Variants in RNF13 observed in about 807,000 individuals in gnomAD.
RNF13 encodes the protein ring finger protein 13.
RNF13 carries 19 observed loss-of-function variants against 37.7 expected under a neutral mutation model. The ratio of observed to expected loss-of-function variants is 0.50; its 90% CI spans 0.35 to 0.74. RNF13 has a LOEUF of 0.74. Among genes scored for constraint, RNF13 ranks in the 30% least tolerant of loss-of-function variants. The probability of loss-of-function intolerance (pLI) is 0.01; values close to 1 mark genes in which losing one functional copy is unlikely to be tolerated. For missense variants in RNF13, 375 were observed against 453.0 expected, an observed-to-expected ratio of 0.83 and a Z score of 1.56; for synonymous variants, 144 against 157.8, an observed-to-expected ratio of 0.91 and a Z score of 0.65.
At chr3:149,907,927 T>G (rs746566528) in intron 6 of RNF13, among the ~76,000 whole-genome samples, 10 of 152,244 alleles carry the variant, frequency 6.6e-5, no homozygotes, top group Non-Finnish European at 1.2e-4. Flanking sequence ...CAGTAAACAA[T>G]TGTCATATTG....
intron 4 of RNF13, among the ~76,000 whole-genome samples, chr3:149,887,586 C>T (rs1480346558): frequency 6.6e-6 from 1 of 152,180 alleles, no homozygotes; most frequent in Non-Finnish European, 1.5e-5. Flanking sequence ...AGGCATGAGC[C>T]ACCATGCCCT....
intron 5 of RNF13, among the ~76,000 whole-genome samples, chr3:149,898,386 T>C (rs1715486649): frequency 6.6e-6 from 1 of 152,184 alleles, no homozygotes; most frequent in African/African-American, 2.4e-5. Flanking sequence ...ACTGTGACTA[T>C]AGGAAGTAAT....
At chr3:149,893,208 G>T (rs1181806586) in intron 4 of RNF13, among the ~76,000 whole-genome samples, 8 of 152,026 alleles carry the variant, frequency 5.3e-5, no homozygotes, top group Non-Finnish European at 1.0e-4. Flanking sequence ...GTTTTTACTC[G>T]TTGTGCTTTC....
At position 149,823,216 on chromosome 3, in the gene RNF13, T is replaced by C. The variant is rs1025934246; in HGVS notation, c.-17+9863T>C. On this transcript the variant is annotated intron_variant, in intron 1 of 9. Coordinates refer to ENST00000392894, the MANE Select transcript of RNF13 (RefSeq NM_183381.3). ...GTTAGGCACTGTTTTAAGCACTTTATGCTGTTGATCTAAGTTTTTATTCCT... is the reference window on the plus strand; with the variant it reads ...GTTAGGCACTGTTTTAAGCACTTTACGCTGTTGATCTAAGTTTTTATTCCT... 3.3e-5 allele frequency among the ~76,000 whole-genome samples: 5 copies of C among 152,172 alleles called. No homozygotes were observed. The East Asian group carries it at 7.7e-4, about 23-fold the overall frequency.
Position 149,921,272 on chromosome 3 carries a change from C to T in RNF13, c.700+45C>T, listed in dbSNP as rs199873779. ...ATAATTATCCTTAGTTTATTTAAGA[C>T]TGCAGGGTGACTATACTCTTTAAAA... On this transcript the variant is annotated intron_variant, in intron 8 of 9. Transcript: ENST00000392894. 1,495 of 879,886 alleles carry T rather than the reference C, an allele frequency of 1.7e-3. 2 individuals are homozygous for T. Among genetic ancestry groups the T allele is most frequent in the Middle Eastern group, 6.2e-3 (23 of 3,698 alleles). 54.5% of individuals were successfully genotyped at this position (879,886 alleles called of 1,614,324 possible).
intron 6 of RNF13, among the ~76,000 whole-genome samples, chr3:149,908,832 G>C (rs1716690962): frequency 6.6e-6 from 1 of 152,164 alleles, no homozygotes; most frequent in African/African-American, 2.4e-5. Flanking sequence ...GGGGAAATTA[G>C]ACAGGTTATT....
chr3:149,944,948 A>C (rs1434222939), intron 8 of RNF13, among the ~76,000 whole-genome samples: 1 of 152,136 alleles, frequency 6.6e-6, no homozygotes, highest in Non-Finnish European at 1.5e-5. Flanking sequence ...TTTAGGTCTA[A>C]CGTTTAAGTC....
chr3:149,932,815 G>A (rs772489778), intron 8 of RNF13, among the ~76,000 whole-genome samples: 21 of 152,338 alleles, frequency 1.4e-4, no homozygotes, highest in Non-Finnish European at 2.8e-4. Context: ...TGGGTCTGGA[G>A]GATAGCAGTC....
At chr3:149,933,585 CTT>C (rs36076578) in intron 8 of RNF13, among the ~76,000 whole-genome samples, 1,786 of 134,610 alleles carry the variant, frequency 0.013, 21 homozygotes, top group African/African-American at 0.042. Flanking sequence ...TTTCTTTCTT[CTT>C]TTTTTTTTTT....
Position 149,846,069 on chromosome 3 carries a change from G to A in RNF13, c.43G>A (p.Val15Ile), listed in dbSNP as rs140665765. Residue 15 changes from valine (V) to isoleucine (I), a missense_variant, in exon 2 of 10, where the codon GTC (valine) becomes ATC (isoleucine). By Grantham distance (29) the Val-to-Ile change is conservative. Coordinates refer to ENST00000392894, the MANE Select transcript of RNF13 (RefSeq NM_183381.3). ...GATGCTCATGCTGTCAGCCACACAA[G>A]TCTACACCATCTTGACTGTCCAGCT... ...IGMLMLSATQ[V>I]YTILTVQLFA... is the part of the protein sequence containing the mutation. 6.8e-6 allele frequency: 11 copies of A among 1,611,512 alleles called. No individual in the cohort carries two copies. In the African/African-American group the frequency reaches 1.2e-4, roughly 18 times the overall value.
At chr3:149,898,310 C>CT (rs1715479355) in intron 5 of RNF13, among the ~76,000 whole-genome samples, 1 of 151,016 alleles carries the variant, frequency 6.6e-6, no homozygotes, top group Non-Finnish European at 1.5e-5. Flanking sequence ...TTTTTTTTTC[C>CT]TTTTTTTCTT....
chr3:149,949,915 T>C (rs1202682567), intron 8 of RNF13, among the ~76,000 whole-genome samples: 5 of 152,122 alleles, frequency 3.3e-5, no homozygotes, highest in Non-Finnish European at 5.9e-5. Context: ...TTTCTTGATG[T>C]TTCCATTATG....
chr3:149,952,555 G>T (rs138167295), intron 8 of RNF13, among the ~76,000 whole-genome samples: 33 of 151,948 alleles, frequency 2.2e-4, no homozygotes, highest in African/African-American at 8.0e-4. Flanking sequence ...GCCTGAAAAA[G>T]AATAATAAAA....
chr3:149,919,299 C>T (rs1009736791), intron 7 of RNF13, among the ~76,000 whole-genome samples: 2 of 152,044 alleles, frequency 1.3e-5, no homozygotes, highest in Non-Finnish European at 2.9e-5. Context: ...TGTATACCTG[C>T]GAAACCACCA....
intron 8 of RNF13, among the ~76,000 whole-genome samples, chr3:149,933,632 A>G (rs1033782728): frequency 1.2e-4 from 17 of 145,358 alleles, no homozygotes; most frequent in Admixed American, 4.9e-4. Context: ...CACCCAGGCT[A>G]GAGTGCAGTG....
At chr3:149,887,116 C>T (rs1011628929) in intron 4 of RNF13, among the ~76,000 whole-genome samples, 1 of 152,120 alleles carries the variant, frequency 6.6e-6, no homozygotes, top group African/African-American at 2.4e-5. Context: ...CTTCTTCATT[C>T]CCCGCCCGCT....
At chr3:149,939,872 G>A (rs547687524) in intron 8 of RNF13, 101 of 434,972 alleles carry the variant, frequency 2.3e-4, no homozygotes, top group African/African-American at 1.9e-3. Flanking sequence ...GAACAGCCGC[G>A]CAGGATGGAA....
At chr3:149,861,674 C>T (rs1427824185) in intron 3 of RNF13, among the ~76,000 whole-genome samples, 1 of 152,026 alleles carries the variant, frequency 6.6e-6, no homozygotes, top group Non-Finnish European at 1.5e-5. Flanking sequence ...TCAGTGGGTA[C>T]AAACATGCAG....
At chr3:149,822,817 A>G (rs2108316770) in intron 1 of RNF13, among the ~76,000 whole-genome samples, 1 of 152,264 alleles carries the variant, frequency 6.6e-6, no homozygotes, top group African/African-American at 2.4e-5. Flanking sequence ...AGAAAGCCTC[A>G]GGGATAAACC....
Sources: allele counts gnomAD v4.1 joint callset (sites outside exome capture counted in the v4.1 genomes callset), GRCh38; gene constraint gnomAD v4.1.1; transcripts MANE v1.5; gene names NCBI Gene and HGNC (gene_info 2026-07-23, HGNC 2026-07-21).